The following LRP1B variants were observed in gnomAD, a reference collection of about 807,000 sequenced individuals.
LRP1B encodes low-density lipoprotein receptor-related protein 1B.
Under a neutral mutation model 556.6 loss-of-function variants are expected in LRP1B, and 217 were observed. The ratio of observed to expected loss-of-function variants is 0.39; its 90% CI spans 0.35 to 0.44. The LOEUF (loss-of-function observed/expected upper bound fraction) is 0.44, where lower values mean the gene tolerates loss of function less well. LRP1B is among the 20% of genes least tolerant of loss of function. The probability of loss-of-function intolerance (pLI) is 1.00; values close to 1 mark genes in which losing one functional copy is unlikely to be tolerated. For missense variants in LRP1B, 5,053 were observed against 5,620.8 expected, an observed-to-expected ratio of 0.90 and a Z score of 3.23; for synonymous variants, 2,047 against 1,865.8, an observed-to-expected ratio of 1.10 and a Z score of -2.50.
At chr2:141,844,179 C>G (rs2105764351) in intron 1 of LRP1B, among the ~76,000 whole-genome samples, 1 of 152,224 alleles carries the variant, frequency 6.6e-6, no homozygotes. Flanking sequence ...ATCTTTCTAT[C>G]TGCCCCCTAG....
intron 3 of LRP1B, among the ~76,000 whole-genome samples, chr2:141,286,124 T>C (rs1195669195): frequency 1.3e-5 from 2 of 151,430 alleles, no homozygotes; most frequent in East Asian, 2.0e-4. Flanking sequence ...TTGATAGTGA[T>C]AGGAAAAGAA....
chr2:141,234,373 T>G (rs1270217321), intron 5 of LRP1B, among the ~76,000 whole-genome samples: 1 of 151,984 alleles, frequency 6.6e-6, no homozygotes, highest in East Asian at 1.9e-4. Flanking sequence ...TTATTTTTTA[T>G]TTTTTATTTT....
chr2:140,985,986 T>A (rs1173783560), intron 17 of LRP1B, among the ~76,000 whole-genome samples: 1 of 151,864 alleles, frequency 6.6e-6, no homozygotes, highest in Non-Finnish European at 1.5e-5. Context: ...TAATTTGTTT[T>A]TATTTTTTTA....
At chr2:141,798,988 C>T (rs1367499578) in intron 2 of LRP1B, among the ~76,000 whole-genome samples, 1 of 151,974 alleles carries the variant, frequency 6.6e-6, no homozygotes, top group Non-Finnish European at 1.5e-5. Flanking sequence ...TAGATGAAGA[C>T]AGCCACCTGC....
In LRP1B at chr2:142,130,785, CCGGCGGCGG is replaced by C. The variant is rs3832053; in HGVS notation, c.-65_-57del. The C allele has an allele frequency of 1.4e-5, 20 of 1,458,548 alleles. No individual in the cohort carries two copies. The highest frequency in any genetic ancestry group is 1.8e-5 in the Non-Finnish European group (19 of 1,062,222). 90.4% of individuals were successfully genotyped at this position (1,458,548 alleles called of 1,614,324 possible). ...GAGACTGCTCGGCGGCACCTTCGGCCCGGCGGCGGCGGCGGCGGCAGGGGCCGCTTGGAG... is the reference window on the plus strand; with the variant it reads ...GAGACTGCTCGGCGGCACCTTCGGCCCGGCGGCGGCAGGGGCCGCTTGGAG... On this transcript the variant is annotated 5_prime_UTR_variant, in exon 1 of 91. Transcript: ENST00000389484.
At chr2:140,804,704 T>TGC (rs1690652359) in intron 32 of LRP1B, among the ~76,000 whole-genome samples, 1 of 147,910 alleles carries the variant, frequency 6.8e-6, no homozygotes, top group African/African-American at 2.5e-5. Context: ...CACATTTTTT[T>TGC]CAGTTATCGG....
chr2:140,333,996 C>CA (rs5834737), intron 79 of LRP1B, among the ~76,000 whole-genome samples: 17 of 146,680 alleles, frequency 1.2e-4, no homozygotes, highest in Admixed American at 2.8e-4. Flanking sequence ...AATGAAAAGG[C>CA]AAAAAAAACA....
intron 41 of LRP1B, among the ~76,000 whole-genome samples, chr2:140,681,093 T>G (rs983312716): frequency 6.6e-6 from 1 of 152,178 alleles, no homozygotes; most frequent in African/African-American, 2.4e-5. Context: ...GTTAACACAT[T>G]CATGATGGGT....
intron 31 of LRP1B, among the ~76,000 whole-genome samples, chr2:140,825,580 T>C (rs1225343821): frequency 1.3e-5 from 2 of 152,206 alleles, no homozygotes; most frequent in Non-Finnish European, 2.9e-5. Context: ...GTATCATCCA[T>C]AGTGCCCAAC....
intron 2 of LRP1B, among the ~76,000 whole-genome samples, chr2:141,676,270 C>A (rs1001259701): frequency 2.6e-5 from 4 of 151,998 alleles, no homozygotes; most frequent in African/African-American, 9.7e-5. Flanking sequence ...AAGCAGTGAC[C>A]ATTACGTAGT....
At chr2:140,750,129 C>A (rs1295106181) in intron 35 of LRP1B, among the ~76,000 whole-genome samples, 2 of 151,652 alleles carry the variant, frequency 1.3e-5, no homozygotes. Flanking sequence ...AGTACATTAT[C>A]AATACATGTA....
intron 52 of LRP1B, among the ~76,000 whole-genome samples, chr2:140,507,575 G>GA (rs1689473267): frequency 6.6e-6 from 1 of 151,956 alleles, no homozygotes; most frequent in Admixed American, 6.6e-5. Context: ...CCAACAAGTG[G>GA]AAAAAATGGT....
At chr2:141,788,242 A>T (rs1383887548) in intron 2 of LRP1B, among the ~76,000 whole-genome samples, 1 of 152,010 alleles carries the variant, frequency 6.6e-6, no homozygotes, top group Non-Finnish European at 1.5e-5. Flanking sequence ...AAATCATTTT[A>T]TGAAAACCTT....
Position 141,247,378 on chromosome 2 carries a change from T to A in LRP1B, c.464-24A>T, listed in dbSNP as rs375808486. The A allele has an allele frequency of 1.7e-5, 28 of 1,611,494 alleles. No homozygotes were observed. The African/African-American group carries it at 3.5e-4, about 20-fold the overall frequency. Reference sequence around the variant, plus strand: ...ATCTAAAAAGGAAAATTGGCATCATTTCTAAGCAGCTTTATCTTGGGCACT... The same window carrying A: ...ATCTAAAAAGGAAAATTGGCATCATATCTAAGCAGCTTTATCTTGGGCACT... On this transcript the variant is annotated intron_variant, in intron 4 of 90. Transcript: ENST00000389484.
At chr2:141,458,635 C>A (rs560128172) in intron 3 of LRP1B, among the ~76,000 whole-genome samples, 1 of 145,944 alleles carries the variant, frequency 6.9e-6, no homozygotes, top group East Asian at 2.3e-4. Context: ...CATTTCGGAT[C>A]CCTATCTCAT....
chr2:140,400,784 TA>T (rs34923600), intron 66 of LRP1B, among the ~76,000 whole-genome samples: 13,881 of 151,696 alleles, frequency 0.092, 753 homozygotes, highest in Middle Eastern at 0.14. Flanking sequence ...GTGAGGCAGG[TA>T]AAAAAAACTC....
At chr2:140,454,113 T>G (rs1686991273) in intron 62 of LRP1B, among the ~76,000 whole-genome samples, 1 of 152,114 alleles carries the variant, frequency 6.6e-6, no homozygotes, top group East Asian at 1.9e-4. Flanking sequence ...CAGTTTGCAT[T>G]ACCTGTTCTT....
At chr2:141,344,679 A>C (rs1688183899) in intron 3 of LRP1B, among the ~76,000 whole-genome samples, 2 of 152,166 alleles carry the variant, frequency 1.3e-5, no homozygotes, top group Admixed American at 1.3e-4. Context: ...ATTGAAATAT[A>C]AGCTCCATAA....
intron 41 of LRP1B, among the ~76,000 whole-genome samples, chr2:140,640,065 C>T (rs904237460): frequency 6.6e-5 from 10 of 152,002 alleles, no homozygotes; most frequent in African/African-American, 1.9e-4. Flanking sequence ...TGCAGTGGCA[C>T]GATCTCGGCT....
Sources: allele counts gnomAD v4.1 joint callset (sites outside exome capture counted in the v4.1 genomes callset), GRCh38; gene constraint gnomAD v4.1.1; transcripts MANE v1.5; gene names NCBI Gene and HGNC (gene_info 2026-07-23, HGNC 2026-07-21).